The following CYRIA variants were observed in gnomAD, a reference collection of about 807,000 sequenced individuals.
CYRIA encodes CYFIP related Rac1 interactor A.
A neutral mutation model predicts 43.9 loss-of-function variants in CYRIA; 15 were observed. The observed-to-expected ratio is 0.34, with a 90% CI of 0.23 to 0.53. The LOEUF (loss-of-function observed/expected upper bound fraction) is 0.53, where lower values mean the gene tolerates loss of function less well. CYRIA is among the 20% of genes least tolerant of loss of function. The pLI is 0.94. For missense variants in CYRIA, 236 were observed against 394.2 expected (o/e 0.60, Z 3.40); for synonymous variants, 117 against 136.0 (o/e 0.86, Z 0.97).
chr2:16,606,959 A>C (rs1285754773), intron 2 of CYRIA, among the ~76,000 whole-genome samples: 1 of 151,838 alleles, frequency 6.6e-6, no homozygotes, highest in African/African-American at 2.4e-5. Context: ...GTTGGTACCG[A>C]AACAAAAAAA....
At chr2:16,624,440 C>A (rs188734774) in intron 1 of CYRIA, among the ~76,000 whole-genome samples, 1 of 152,262 alleles carries the variant, frequency 6.6e-6, no homozygotes, top group East Asian at 1.9e-4. Flanking sequence ...TAGTTTCACC[C>A]CTGGGAGCTA....
chr2:16,562,185 A>C (rs6751062), intron 5 of CYRIA, 44 bp from the exon 6 acceptor site: 699,750 of 1,576,924 alleles, frequency 0.44, 162,281 homozygotes, highest in African/African-American at 0.82. Context: ...GGTGGCCCAC[A>C]GAGGTCCTTC....
intron 2 of CYRIA, among the ~76,000 whole-genome samples, chr2:16,588,818 T>A (rs1372591099): frequency 1.3e-5 from 2 of 152,070 alleles, no homozygotes; most frequent in Admixed American, 6.6e-5. Flanking sequence ...GGTAATGAGA[T>A]TGGATACTTC....
intron 2 of CYRIA, among the ~76,000 whole-genome samples, chr2:16,600,594 C>T (rs1263901604): frequency 6.6e-6 from 1 of 152,128 alleles, no homozygotes; most frequent in African/African-American, 2.4e-5. Flanking sequence ...GTATCACATT[C>T]CTGATAAATC....
At chr2:16,560,508 C>T (rs181295829) in intron 9 of CYRIA, 14 of 167,502 alleles carry the variant, frequency 8.4e-5, no homozygotes, top group Non-Finnish European at 1.1e-4. Flanking sequence ...CTGCTTCATC[C>T]TCAATATTCT....
At chr2:16,563,204 T>C (rs745909423) in intron 5 of CYRIA, among the ~76,000 whole-genome samples, 5 of 152,306 alleles carry the variant, frequency 3.3e-5, no homozygotes, top group Admixed American at 2.6e-4. Context: ...AAGAAGTCTA[T>C]GTTCTCTTTT....
At position 16,565,588 on chromosome 2, in the gene CYRIA, T is replaced by C. The variant is rs1488953204; in HGVS notation, c.192+58A>G. The C allele has an allele frequency of 4.0e-6, 6 of 1,488,272 alleles. 1 individual carries two copies. The South Asian group carries it at 6.8e-5, about 17-fold the overall frequency. 92.2% of individuals were successfully genotyped at this position (1,488,272 alleles called of 1,614,324 possible). A position where few individuals can be genotyped will look rare whatever the true frequency, so the allele number is the denominator to read the frequency against. ...ATCTTGCTGTGTGTGTCTGTGTGCA[T>C]GTGTGGTTTTCCTTCCCCTCCTCGG... On this transcript the variant is annotated intron_variant, in intron 4 of 11. Transcript: ENST00000381323.
At chr2:16,601,079 C>G (rs1183131994) in intron 2 of CYRIA, among the ~76,000 whole-genome samples, 2 of 152,036 alleles carry the variant, frequency 1.3e-5, no homozygotes, top group Non-Finnish European at 2.9e-5. Flanking sequence ...CTCATTTTTT[C>G]TGGGGAGACA....
intron 2 of CYRIA, among the ~76,000 whole-genome samples, chr2:16,611,713 G>C (rs942338256): frequency 6.7e-6 from 1 of 150,336 alleles, no homozygotes; most frequent in Admixed American, 6.6e-5. Flanking sequence ...GTGAAGAAAG[G>C]AGCCCAACGT....
chr2:16,663,057 C>T (rs13012255), intron 1 of CYRIA, among the ~76,000 whole-genome samples: 1 of 152,254 alleles, frequency 6.6e-6, no homozygotes, highest in Non-Finnish European at 1.5e-5. Flanking sequence ...GAGGATGCCT[C>T]TAACCCTGAG....
chr2:16,602,492 T>C (rs983963975), intron 2 of CYRIA, among the ~76,000 whole-genome samples: 10 of 152,246 alleles, frequency 6.6e-5, no homozygotes, highest in Admixed American at 2.0e-4. Flanking sequence ...TATGAACATA[T>C]GTCAAAGGGA....
At chr2:16,572,695 G>C (rs912641578) in intron 3 of CYRIA, among the ~76,000 whole-genome samples, 2 of 152,168 alleles carry the variant, frequency 1.3e-5, no homozygotes, top group Non-Finnish European at 2.9e-5. Flanking sequence ...ACAATGATTT[G>C]AAGACTTTAG....
chr2:16,652,408 C>G (rs1669999590), intron 1 of CYRIA, among the ~76,000 whole-genome samples: 1 of 152,100 alleles, frequency 6.6e-6, no homozygotes, highest in South Asian at 2.1e-4. Context: ...CTCACTGGGG[C>G]CAAATGCTTT....
At chr2:16,663,968 T>C (rs937373067) in intron 1 of CYRIA, among the ~76,000 whole-genome samples, 1 of 152,190 alleles carries the variant, frequency 6.6e-6, no homozygotes, top group Admixed American at 6.5e-5. Flanking sequence ...GGGCTGACTG[T>C]GTGCTCAAAT....
intron 2 of CYRIA, among the ~76,000 whole-genome samples, chr2:16,614,469 T>G (rs192160894): frequency 1.3e-5 from 2 of 152,372 alleles, no homozygotes; most frequent in Non-Finnish European, 2.9e-5. Context: ...AACTTTCCCC[T>G]GTCGTCGGGG....
chr2:16,571,656 G>A (rs1157870569), intron 3 of CYRIA, among the ~76,000 whole-genome samples: 1 of 152,190 alleles, frequency 6.6e-6, no homozygotes, highest in East Asian at 1.9e-4. Context: ...GGTTTTGAAA[G>A]ATGCCCTGGC....
chr2:16,555,454 C>T (rs1230165596), intron 10 of CYRIA, among the ~76,000 whole-genome samples: 1 of 152,120 alleles, frequency 6.6e-6, no homozygotes, highest in African/African-American at 2.4e-5. Context: ...CAGGGCCTTC[C>T]ATCCACTCAG....
At chr2:16,615,337 T>C (rs1414646331) in intron 2 of CYRIA, among the ~76,000 whole-genome samples, 2 of 152,230 alleles carry the variant, frequency 1.3e-5, no homozygotes, top group African/African-American at 4.8e-5. Context: ...CGTTTTAGGA[T>C]TGGTCCCGAA....
chr2:16,664,390 C>T (rs1374020290), intron 1 of CYRIA, among the ~76,000 whole-genome samples: 1 of 152,090 alleles, frequency 6.6e-6, no homozygotes, highest in East Asian at 1.9e-4. Context: ...GACAGGACAA[C>T]GGACCAATAA....
Sources: allele counts gnomAD v4.1 joint callset (sites outside exome capture counted in the v4.1 genomes callset), GRCh38; gene constraint gnomAD v4.1.1; transcripts MANE v1.5; gene names NCBI Gene and HGNC (gene_info 2026-07-23, HGNC 2026-07-21).